Variants in NPIPA5 observed in about 807,000 individuals in gnomAD.
NPIPA5 encodes the protein nuclear pore complex-interacting protein family member A5.
NPIPA5 carries 6 observed loss-of-function variants against 21.4 expected under a neutral mutation model. The observed-to-expected ratio is 0.28, with a 90% CI of 0.15 to 0.55. The LOEUF (loss-of-function observed/expected upper bound fraction) is 0.55. NPIPA5 is among the 20% of genes least tolerant of loss of function. The probability of loss-of-function intolerance (pLI) is 0.93; values close to 1 mark genes in which losing one functional copy is unlikely to be tolerated. For missense variants in NPIPA5, 99 were observed against 318.2 expected (o/e 0.31, Z 5.24); for synonymous variants, 33 against 115.3 (o/e 0.29, Z 4.57).
At chr16:15,369,438 G>A (rs1245926294) in intron 4 of NPIPA5, among the ~76,000 whole-genome samples, 1 of 150,130 alleles carries the variant, frequency 6.7e-6, no homozygotes, top group Admixed American at 6.7e-5. Flanking sequence ...CAAGAGCAAA[G>A]CTCCGTCTCA....
chr16:15,372,015 G>A (rs1157678551), intron 2 of NPIPA5, among the ~76,000 whole-genome samples: 2 of 145,896 alleles, frequency 1.4e-5, no homozygotes, highest in Non-Finnish European at 3.0e-5. Context: ...TCAAACACAT[G>A]AAGAAATGAG....
At chr16:15,381,583 GT>G (rs1826478506), upstream of NPIPA5, 1 of 151,686 alleles carries the variant, frequency 6.6e-6, no homozygotes, top group Admixed American at 6.6e-5. Flanking sequence ...GAGCCACACT[GT>G]TTAGATTCTA....
chr16:15,377,075 G>A (rs1405588125), intron 1 of NPIPA5, among the ~76,000 whole-genome samples: 7 of 152,010 alleles, frequency 4.6e-5, no homozygotes, highest in South Asian at 2.1e-4. Context: ...AGAGTGCAGC[G>A]GGGCCATCTC....
chr16:15,363,948 G>A lies in NPIPA5; in HGVS notation c.764C>T (p.Ser255Phe), dbSNP rs762880525. Residue 255 changes from serine to phenylalanine, a missense_variant, in exon 8 of 8, where the codon TCT (serine) becomes TTT (phenylalanine). By Grantham distance (155) the Ser-to-Phe change is radical. Around this residue, in one of 5 missense-constraint regions of NPIPA5, gnomAD observed 75 missense variants for 138.5 expected, o/e 0.54. Coordinates refer to ENST00000360151, the MANE Select transcript of NPIPA5 (RefSeq NM_001277325.2). Reference protein sequence around the residue: ...HQPPPPTQQHSIIDNSLSLKT... With the variant: ...HQPPPPTQQHFIIDNSLSLKT... ...GAGGCTCAGGGAGTTATCAATTATAGAATGTTGTTGAGTTGGAGGAGGTGG... is the reference window on the plus strand; with the variant it reads ...GAGGCTCAGGGAGTTATCAATTATAAAATGTTGTTGAGTTGGAGGAGGTGG... 23 of 1,595,820 alleles carry A rather than the reference G, an allele frequency of 1.4e-5. No homozygotes were observed. In the South Asian group the frequency reaches 2.3e-4, roughly 16 times the overall value.
At chr16:15,370,525 G>GCTTC (rs2050125149) in intron 2 of NPIPA5, among the ~76,000 whole-genome samples, 1 of 146,894 alleles carries the variant, frequency 6.8e-6, no homozygotes, top group Non-Finnish European at 1.5e-5. Context: ...GCCGAGGCAG[G>GCTTC]CGGAACACCT....
intron 4 of NPIPA5, among the ~76,000 whole-genome samples, chr16:15,369,157 TAAA>T (rs1205864138): frequency 8.0e-6 from 1 of 125,000 alleles, no homozygotes; most frequent in Non-Finnish European, 1.7e-5. Flanking sequence ...ATCTCAAAAT[TAAA>T]AAAAAAAAAA....
chr16:15,367,469 G>A (rs1213344465), intron 4 of NPIPA5, among the ~76,000 whole-genome samples: 1 of 152,038 alleles, frequency 6.6e-6, no homozygotes, highest in Non-Finnish European at 1.5e-5. Context: ...CCCTGGTGTT[G>A]ACTGACTTTA....
intron 2 of NPIPA5, among the ~76,000 whole-genome samples, chr16:15,371,573 G>A (rs1011608096): frequency 1.7e-4 from 24 of 143,644 alleles, no homozygotes; most frequent in Non-Finnish European, 3.4e-4. Flanking sequence ...CGCTACCTTG[G>A]CTCACGGCAA....
In NPIPA5 at chr16:15,369,416, C is replaced by T. The variant is rs138661747; in HGVS notation, c.437+296G>A. On this transcript the variant is annotated intron_variant, in intron 4 of 7. Transcript: ENST00000360151. ...GAGCTGAGATTGTGCCATTGCACTA[C>T]GGCCTGGGCAACAAGAGCAAAGCTC... Among the ~76,000 whole-genome samples the T allele has an allele frequency of 9.2e-4, 137 of 149,558 alleles. 1 individual carries two copies. The highest frequency in any genetic ancestry group is 2.6e-3 in the African/African-American group (103 of 40,384).
At chr16:15,379,537 A>C (rs1156476729), upstream of NPIPA5, among the ~76,000 whole-genome samples, 8 of 152,024 alleles carry the variant, frequency 5.3e-5, no homozygotes, top group Non-Finnish European at 1.2e-4. Flanking sequence ...ACTGCACTCC[A>C]GCCTAGGCGA....
At chr16:15,372,899 G>T (rs1258469609) in intron 2 of NPIPA5, among the ~76,000 whole-genome samples, 11 of 144,928 alleles carry the variant, frequency 7.6e-5, no homozygotes, top group East Asian at 2.1e-4. Flanking sequence ...TTTGACATAC[G>T]GATCTCTCTC....
At chr16:15,381,106 A>T (rs1453000127), upstream of NPIPA5, 5 of 1,539,080 alleles carry the variant, frequency 3.2e-6, no homozygotes, top group Non-Finnish European at 4.4e-6. Flanking sequence ...ATTTTAAAAA[A>T]AAAAGTGTTG....
At chr16:15,379,174 C>A (rs1204117999), upstream of NPIPA5, among the ~76,000 whole-genome samples, 1 of 152,172 alleles carries the variant, frequency 6.6e-6, no homozygotes, top group African/African-American at 2.4e-5. Context: ...TTTACTATGA[C>A]ATAAGGTTAT....
At chr16:15,375,701 C>T (rs1281601450) in intron 1 of NPIPA5, among the ~76,000 whole-genome samples, 1 of 142,166 alleles carries the variant, frequency 7.0e-6, no homozygotes, top group Non-Finnish European at 1.5e-5. Flanking sequence ...AAGATCGCAC[C>T]ACTGCACTTC....
intron 1 of NPIPA5, among the ~76,000 whole-genome samples, chr16:15,377,163 C>T (rs1180386413): frequency 6.7e-6 from 1 of 150,250 alleles, no homozygotes; most frequent in Non-Finnish European, 1.5e-5. Flanking sequence ...ATAACAGGTA[C>T]GCACCACCAG....
intron 1 of NPIPA5, among the ~76,000 whole-genome samples, chr16:15,377,912 C>A (rs1216519163): frequency 6.7e-6 from 1 of 149,650 alleles, no homozygotes; most frequent in African/African-American, 2.5e-5. Flanking sequence ...TCGGTCTGGG[C>A]CCTCCCTTAG....
At chr16:15,370,620 G>T in intron 2 of NPIPA5, among the ~76,000 whole-genome samples, 1 of 143,102 alleles carries the variant, frequency 7.0e-6, no homozygotes, top group Admixed American at 7.5e-5. Context: ...GCATGGTGGT[G>T]CATGCCTGTA....
intron 1 of NPIPA5, among the ~76,000 whole-genome samples, chr16:15,375,910 T>A (rs1277157699): frequency 1.1e-4 from 17 of 150,906 alleles, no homozygotes; most frequent in Non-Finnish European, 2.2e-4. Context: ...TCTACATCAA[T>A]TCCTCAGGAT....
upstream of NPIPA5, among the ~76,000 whole-genome samples, chr16:15,380,739 T>C (rs1173476485): frequency 4.7e-5 from 7 of 148,528 alleles, no homozygotes; most frequent in South Asian, 1.3e-3. Flanking sequence ...CAGAAGATAG[T>C]GGTTTTCATC....
Sources: gnomAD v4.1 joint callset for allele counts (sites outside exome capture counted in the v4.1 genomes callset) on GRCh38, gnomAD v4.1.1 for gene constraint, gnomAD v4.1.1 regional missense constraint, MANE v1.5 for transcripts, NCBI Gene and HGNC (gene_info 2026-07-23, HGNC 2026-07-21) for gene names.